BRINP3: variants seen among roughly 807,000 people sequenced by gnomAD.
BRINP3 encodes BMP/retinoic acid inducible neural specific 3.
BRINP3 carries 19 observed loss-of-function variants against 71.0 expected under a neutral mutation model. The observed-to-expected ratio is 0.27, with a 90% CI of 0.19 to 0.39. BRINP3 has a LOEUF of 0.39. Ranked by LOEUF, BRINP3 falls within the 10% of genes least tolerant of loss-of-function variation. BRINP3 has a pLI of 1.00. For synonymous variants in BRINP3, 380 were observed against 337.7 expected (o/e 1.13, Z -1.37); for missense variants, 959 against 940.8 (o/e 1.02, Z -0.25).
intron 7 of BRINP3, among the ~76,000 whole-genome samples, chr1:190,145,383 A>C (rs1009132642): frequency 6.6e-6 from 1 of 152,084 alleles, no homozygotes; most frequent in South Asian, 2.1e-4. Context: ...TGTAACTATG[A>C]TCTTTATTTT....
At chr1:190,224,843 T>A (rs1463918728) in intron 6 of BRINP3, among the ~76,000 whole-genome samples, 4 of 151,952 alleles carry the variant, frequency 2.6e-5, no homozygotes. Context: ...GCAGAATATC[T>A]GAATACATAT....
At chr1:190,196,782 T>A (rs975902053) in intron 6 of BRINP3, among the ~76,000 whole-genome samples, 1 of 151,972 alleles carries the variant, frequency 6.6e-6, no homozygotes, top group Non-Finnish European at 1.5e-5. Context: ...AGATCCATGT[T>A]TGTCTCATTT....
intron 7 of BRINP3, among the ~76,000 whole-genome samples, chr1:190,153,103 G>T (rs1471373300): frequency 6.6e-6 from 1 of 152,062 alleles, no homozygotes; most frequent in Admixed American, 6.6e-5. Flanking sequence ...TCCCTACTTT[G>T]AAACTTATTT....
chr1:190,334,531 T>G (rs1390484648), intron 2 of BRINP3, among the ~76,000 whole-genome samples: 1 of 151,832 alleles, frequency 6.6e-6, no homozygotes, highest in East Asian at 1.9e-4. Context: ...GGTGCATGAC[T>G]CTTATCCTTG....
chr1:190,153,258 C>T (rs749785153), intron 7 of BRINP3, among the ~76,000 whole-genome samples: 1 of 152,096 alleles, frequency 6.6e-6, no homozygotes, highest in Admixed American at 6.6e-5. Context: ...AGTTTGTTTG[C>T]ATTTAGACCA....
chr1:190,454,088 A>C (rs2102626135), intron 2 of BRINP3, among the ~76,000 whole-genome samples: 1 of 152,336 alleles, frequency 6.6e-6, no homozygotes. Context: ...AACATAGAAC[A>C]TTGATAGATG....
chr1:190,178,300 A>T (rs575883632), intron 6 of BRINP3, among the ~76,000 whole-genome samples: 70 of 152,228 alleles, frequency 4.6e-4, no homozygotes, highest in Non-Finnish European at 7.7e-4. Flanking sequence ...TGGATTTATT[A>T]TATTTATATT....
chr1:190,371,930 G>T (rs991064515), intron 2 of BRINP3, among the ~76,000 whole-genome samples: 1 of 152,066 alleles, frequency 6.6e-6, no homozygotes. Context: ...CGACATTCAC[G>T]GTGACATAAG....
intron 2 of BRINP3, among the ~76,000 whole-genome samples, chr1:190,450,177 G>A (rs1404569503): frequency 6.6e-6 from 1 of 152,136 alleles, no homozygotes; most frequent in Non-Finnish European, 1.5e-5. Flanking sequence ...CTGTCGTAGA[G>A]AGGGAGCTGC....
chr1:190,315,043 A>G (rs1018335318), intron 2 of BRINP3, among the ~76,000 whole-genome samples: 7 of 152,120 alleles, frequency 4.6e-5, no homozygotes, highest in Non-Finnish European at 1.0e-4. Context: ...CATTATGGTG[A>G]AGTTTTATAA....
At chr1:190,341,900 T>C (rs1667680703) in intron 2 of BRINP3, among the ~76,000 whole-genome samples, 1 of 151,780 alleles carries the variant, frequency 6.6e-6, no homozygotes, top group Admixed American at 6.6e-5. Context: ...CATTATACAA[T>C]TATGTTAAAG....
intron 2 of BRINP3, among the ~76,000 whole-genome samples, chr1:190,294,766 G>A (rs1426728833): frequency 6.6e-6 from 1 of 152,016 alleles, no homozygotes; most frequent in Non-Finnish European, 1.5e-5. Context: ...GAGTCTTCCA[G>A]TAGTTTAAAG....
At chr1:190,216,131 G>T (rs1656398031) in intron 6 of BRINP3, among the ~76,000 whole-genome samples, 4 of 151,516 alleles carry the variant, frequency 2.6e-5, no homozygotes, top group Admixed American at 2.6e-4. Flanking sequence ...ATTTGCACAA[G>T]TCTTTTGGTT....
intron 1 of BRINP3, among the ~76,000 whole-genome samples, chr1:190,459,237 AAT>A (rs1366872639): frequency 1.3e-5 from 2 of 151,582 alleles, no homozygotes; most frequent in Non-Finnish European, 3.0e-5. Flanking sequence ...ATACATCAAA[AAT>A]ATGTTACATA....
At chr1:190,402,733 T>C (rs1672010045) in intron 2 of BRINP3, among the ~76,000 whole-genome samples, 1 of 152,192 alleles carries the variant, frequency 6.6e-6, no homozygotes, top group African/African-American at 2.4e-5. Flanking sequence ...ATTTATTTAT[T>C]CATTTATCTA....
chr1:190,363,760 G>A (rs972585636), intron 2 of BRINP3, among the ~76,000 whole-genome samples: 2 of 152,114 alleles, frequency 1.3e-5, no homozygotes, highest in African/African-American at 4.8e-5. Context: ...AAAAATGAAT[G>A]CATTAAATAA....
intron 2 of BRINP3, among the ~76,000 whole-genome samples, chr1:190,345,300 C>T (rs915873093): frequency 6.6e-6 from 1 of 151,598 alleles, no homozygotes; most frequent in Admixed American, 6.6e-5. Flanking sequence ...ATCCAGATTA[C>T]TTAAAATTAA....
intron 6 of BRINP3, among the ~76,000 whole-genome samples, chr1:190,164,047 G>A (rs1457204469): frequency 6.6e-6 from 1 of 151,954 alleles, no homozygotes. Flanking sequence ...TCCATGCTTT[G>A]CAATTGAATT....
At chr1:190,300,519 A>C (rs950809876) in intron 2 of BRINP3, among the ~76,000 whole-genome samples, 1 of 152,122 alleles carries the variant, frequency 6.6e-6, no homozygotes, top group African/African-American at 2.4e-5. Flanking sequence ...GCAGACTTAA[A>C]TGTCCCTGTC....
Sources: gnomAD v4.1 joint callset for allele counts (sites outside exome capture counted in the v4.1 genomes callset) on GRCh38, gnomAD v4.1.1 for gene constraint, MANE v1.5 for transcripts, NCBI Gene and HGNC (gene_info 2026-07-23, HGNC 2026-07-21) for gene names.